Variants in HPSE2 observed in about 807,000 individuals in gnomAD.
HPSE2 encodes the protein heparanase 2 (inactive), also known as inactive heparanase-2.
A neutral mutation model predicts 60.5 loss-of-function variants in HPSE2; 38 were observed. That is an observed-to-expected ratio of 0.63 (90% CI 0.48 to 0.82). The LOEUF (loss-of-function observed/expected upper bound fraction) is 0.82. Ranked by LOEUF, HPSE2 falls within the 40% of genes least tolerant of loss-of-function variation. The pLI is 0.00. For missense variants in HPSE2, 713 were observed against 740.4 expected (o/e 0.96, Z 0.43); for synonymous variants, 295 against 293.2 (o/e 1.01, Z -0.06).
At chr10:99,205,949 C>T (rs2862528) in intron 2 of HPSE2, among the ~76,000 whole-genome samples, 131,951 of 152,198 alleles carry the variant, frequency 0.87, 57,485 homozygotes, top group African/African-American at 0.94. Context: ...CCATGTTTAG[C>T]ACAATGCTGC....
At chr10:98,885,282 CT>C (rs1427195039) in intron 3 of HPSE2, among the ~76,000 whole-genome samples, 2 of 152,120 alleles carry the variant, frequency 1.3e-5, no homozygotes, top group African/African-American at 4.8e-5. Flanking sequence ...AGAATTGATT[CT>C]CATGAATGAG....
chr10:98,960,701 CTTTTTTTT>C, intron 3 of HPSE2, among the ~76,000 whole-genome samples: 3 of 57,568 alleles, frequency 5.2e-5, no homozygotes, highest in African/African-American at 1.7e-4. Context: ...ATGTACATTT[CTTTTTTTT>C]TTTTTTTTTT....
chr10:99,082,588 T>A (rs1296730054), intron 3 of HPSE2, among the ~76,000 whole-genome samples: 1 of 152,160 alleles, frequency 6.6e-6, no homozygotes. Context: ...CATATAAATG[T>A]CAACAGAAAA....
At chr10:98,795,063 GGAAA>G (rs1394936228) in intron 3 of HPSE2, among the ~76,000 whole-genome samples, 5 of 106,964 alleles carry the variant, frequency 4.7e-5, no homozygotes, top group Non-Finnish European at 1.1e-4. Context: ...AAGGAAGGAA[GGAAA>G]GAAGGAAGGA....
At chr10:99,151,944 C>G (rs2185800) in intron 2 of HPSE2, among the ~76,000 whole-genome samples, 3 of 151,884 alleles carry the variant, frequency 2.0e-5, no homozygotes, top group African/African-American at 7.3e-5. Flanking sequence ...AAGAAAACTT[C>G]TGACAACCAA....
intron 9 of HPSE2, among the ~76,000 whole-genome samples, chr10:98,504,355 T>G (rs1942124401): frequency 6.6e-6 from 1 of 152,210 alleles, no homozygotes; most frequent in African/African-American, 2.4e-5. Context: ...CTCCTTTAGC[T>G]CACCTTATTG....
At chr10:99,269,011 T>A in the HPSE2 span, among the ~76,000 whole-genome samples, 7 of 151,764 alleles carry the variant, frequency 4.6e-5, no homozygotes, top group Non-Finnish European at 8.8e-5. Context: ...ATACAAAAAT[T>A]AGCTGGGCAT....
At chr10:98,470,745 T>C (rs1013065204) in intron 11 of HPSE2, among the ~76,000 whole-genome samples, 1 of 152,222 alleles carries the variant, frequency 6.6e-6, no homozygotes, top group African/African-American at 2.4e-5. Flanking sequence ...CTAGGTCATC[T>C]GGGACAGAAT....
At chr10:98,801,352 T>A (rs1950902507) in intron 3 of HPSE2, among the ~76,000 whole-genome samples, 1 of 151,990 alleles carries the variant, frequency 6.6e-6, no homozygotes, top group South Asian at 2.1e-4. Context: ...CTGGAAGTCC[T>A]AGCTAGAGAA....
intron 2 of HPSE2, among the ~76,000 whole-genome samples, chr10:99,182,957 C>CCA (rs1041821047): frequency 4.0e-5 from 6 of 151,558 alleles, no homozygotes; most frequent in African/African-American, 1.2e-4. Context: ...GATCACGCCA[C>CCA]CACACACACA....
chr10:98,870,381 G>A (rs571802146), intron 3 of HPSE2, among the ~76,000 whole-genome samples: 11 of 152,092 alleles, frequency 7.2e-5, no homozygotes, highest in African/African-American at 1.2e-4. Context: ...CAGTGTCTTC[G>A]GGAAACCTTT....
chr10:98,473,556 G>A (rs1301562248), intron 11 of HPSE2, among the ~76,000 whole-genome samples: 2 of 134,854 alleles, frequency 1.5e-5, no homozygotes, highest in Non-Finnish European at 3.2e-5. Flanking sequence ...GAGAGGAAGA[G>A]AAAATTGAAA....
chr10:99,108,495 C>G (rs1844334865), intron 3 of HPSE2, among the ~76,000 whole-genome samples: 1 of 151,972 alleles, frequency 6.6e-6, no homozygotes, highest in Admixed American at 6.6e-5. Flanking sequence ...TATTTCATGG[C>G]TAACTTATTT....
At chr10:99,237,588 A>T (rs1248951599), upstream of HPSE2, among the ~76,000 whole-genome samples, 4 of 152,252 alleles carry the variant, frequency 2.6e-5, no homozygotes, top group African/African-American at 4.8e-5. Flanking sequence ...GATATGGGAG[A>T]AAGCAAATGC....
At chr10:99,237,962 T>G (rs1194189603), upstream of HPSE2, among the ~76,000 whole-genome samples, 2 of 152,170 alleles carry the variant, frequency 1.3e-5, no homozygotes, top group African/African-American at 4.8e-5. Context: ...TATGCCCCTC[T>G]CCAGAACAAT....
At chr10:98,710,831 T>C (rs1046436035) in intron 5 of HPSE2, among the ~76,000 whole-genome samples, 12 of 152,102 alleles carry the variant, frequency 7.9e-5, no homozygotes, top group African/African-American at 2.9e-4. Flanking sequence ...GAGCCTATAG[T>C]AAGAGAGCTC....
At chr10:99,267,348 C>T in the HPSE2 span, among the ~76,000 whole-genome samples, 1 of 151,950 alleles carries the variant, frequency 6.6e-6, no homozygotes, top group Non-Finnish European at 1.5e-5. Flanking sequence ...ACTGGAAAGT[C>T]TCAGCAATAG....
rs72827420 is a variant in HPSE2 at position 98,565,867 on chromosome 10, T to C, written c.1320+49037A>G. On this transcript the variant is annotated intron_variant, in intron 9 of 11. Coordinates refer to ENST00000370552, the MANE Select transcript of HPSE2 (RefSeq NM_021828.5). Reference sequence around the variant, plus strand: ...CCTGTATCATCATCATCATCATCATTATTGTTGTTTTGCCGATGAATAAAT... The same window carrying C: ...CCTGTATCATCATCATCATCATCATCATTGTTGTTTTGCCGATGAATAAAT... Among the ~76,000 whole-genome samples, 9 of 106,100 alleles carry C rather than the reference T, an allele frequency of 8.5e-5. No individual in the cohort carries two copies. The East Asian group carries it at 1.3e-3, about 15-fold the overall frequency. 69.6% of individuals were successfully genotyped at this position (106,100 alleles called of 152,430 possible).
In HPSE2 at chr10:98,742,541, T is replaced by C. The variant is rs558911661; in HGVS notation, c.784+1342A>G. Reference sequence around the variant, plus strand: ...TCGATTCAATTGTTTTGTTCTAAAGTATACCAAAAGGTCTTTTAATTTGAG... The same window carrying C: ...TCGATTCAATTGTTTTGTTCTAAAGCATACCAAAAGGTCTTTTAATTTGAG... On this transcript the variant is annotated intron_variant, in intron 4 of 11. Coordinates refer to ENST00000370552, the MANE Select transcript of HPSE2 (RefSeq NM_021828.5). Among the ~76,000 whole-genome samples, 4 of 152,288 alleles carry C rather than the reference T, an allele frequency of 2.6e-5. No homozygotes were observed. The East Asian group carries it at 7.7e-4, about 29-fold the overall frequency.
Sources: allele counts gnomAD v4.1 joint callset (sites outside exome capture counted in the v4.1 genomes callset), GRCh38; gene constraint gnomAD v4.1.1; transcripts MANE v1.5; gene names NCBI Gene and HGNC (gene_info 2026-07-23, HGNC 2026-07-21).